SGCA: variants seen among roughly 807,000 people sequenced by gnomAD.
The protein encoded by SGCA is sarcoglycan alpha.
In SGCA, 34 loss-of-function variants were observed where a neutral mutation model predicts 38.1. That is an observed-to-expected ratio of 0.89 (90% CI 0.68 to 1.19). SGCA has a LOEUF of 1.19. SGCA is among the 50% of genes most tolerant of loss of function. The probability of loss-of-function intolerance (pLI) is 0.00; values close to 1 mark genes in which losing one functional copy is unlikely to be tolerated. For missense variants in SGCA, 476 were observed against 524.9 expected (o/e 0.91, Z 0.91); for synonymous variants, 209 against 214.6 (o/e 0.97, Z 0.23).
chr17:50,170,924 C>T (rs546616047), intron 8 of SGCA, among the ~76,000 whole-genome samples: 2 of 152,256 alleles, frequency 1.3e-5, no homozygotes, highest in African/African-American at 2.4e-5. Context: ...ACTAGCCAGG[C>T]GTGGTGGAGC....
Position 50,166,067 on chromosome 17 carries a change from T to C in SGCA, c.27T>C (p.Pro9=). The C allele has an allele frequency of 1.2e-6, 2 of 1,613,522 alleles. No homozygotes were observed. The part of the protein sequence containing the change: MAETLFWT[P]LLVVLLAGLG... ...TGGCTGAGACACTCTTCTGGACTCC[T>C]CTCCTCGTGGGCAAGTTGGGGCCTT... is the stretch of plus-strand genomic sequence containing the variant. The change falls in exon 1 of 10, where the codon CCT becomes CCC. Residue 9 remains proline, a synonymous_variant. Transcript: ENST00000262018.
At chr17:50,169,497 G>A (rs1448233666) in intron 6 of SGCA, 2 of 543,440 alleles carry the variant, frequency 3.7e-6, no homozygotes, top group Non-Finnish European at 6.5e-6. Context: ...TCCGCAATCC[G>A]CATGTGGGGT....
chr17:50,172,345 C>T (rs1346016516), intron 8 of SGCA: 3 of 448,950 alleles, frequency 6.7e-6, no homozygotes, highest in East Asian at 7.1e-5. Flanking sequence ...AGGGGTGGAC[C>T]GGAGATGCCA....
chr17:50,175,832 G>A lies in SGCA; in HGVS notation c.*133G>A. Reference sequence around the variant, plus strand: ...AACCCAGGCTCTAAACAAGCAGGGAGAGGGGGTGGGGTGGGGTGAGAGTGT... The same window carrying A: ...AACCCAGGCTCTAAACAAGCAGGGAAAGGGGGTGGGGTGGGGTGAGAGTGT... On this transcript the variant is annotated 3_prime_UTR_variant, in exon 10 of 10. Transcript: ENST00000262018. The A allele has an allele frequency of 4.2e-6, 2 of 480,098 alleles. No individual in the cohort carries two copies. The allele number at this position is 480,098 out of a possible 1,614,324, so 29.7% of individuals were successfully genotyped here. A position where few individuals can be genotyped will look rare whatever the true frequency, so the allele number is the denominator to read the frequency against.
chr17:50,173,030 C>G (rs1905586723), intron 8 of SGCA, among the ~76,000 whole-genome samples: 2 of 152,188 alleles, frequency 1.3e-5, no homozygotes. Context: ...TCTCTTGTGA[C>G]CAGTATTTCC....
intron 8 of SGCA, 44 bp from the exon 9 acceptor site, chr17:50,175,213 G>A: frequency 6.4e-7 from 1 of 1,556,052 alleles, no homozygotes. Context: ...GTACTCCAGG[G>A]CAGCTGACTC....
intron 6 of SGCA, chr17:50,169,925 G>C: frequency 1.6e-6 from 1 of 622,282 alleles, no homozygotes; most frequent in Non-Finnish European, 2.9e-6. Flanking sequence ...CATTACAGGT[G>C]ATGAAACAGA....
Position 50,169,260 on chromosome 17 carries a change from G to A in SGCA, c.747+6G>A. On this transcript the variant is annotated splice_donor_region_variant and intron_variant, in intron 6 of 9. Coordinates refer to ENST00000262018, the MANE Select transcript of SGCA (RefSeq NM_000023.4). Reference sequence around the variant, plus strand: ...ACTGGTGCAATGTGACCCTGGTGAGGAGGGACCCTGGGTCCGGGGGTGGGG... The same window carrying A: ...ACTGGTGCAATGTGACCCTGGTGAGAAGGGACCCTGGGTCCGGGGGTGGGG... 1 of 1,607,446 alleles carries A rather than the reference G, an allele frequency of 6.2e-7. No individual in the cohort carries two copies. Among genetic ancestry groups the A allele is most frequent in the Non-Finnish European group, 8.5e-7 (1 of 1,174,810 alleles).
At chr17:50,175,133 A>G in intron 8 of SGCA, 124 bp from the exon 9 acceptor site, 2 of 895,108 alleles carry the variant, frequency 2.2e-6, no homozygotes, top group Non-Finnish European at 3.6e-6. Flanking sequence ...CCCCTGCATC[A>G]TGTGTCTGAG....
Position 50,170,141 on chromosome 17 carries a change from A to C in SGCA, c.748-2A>C. 1 of 1,613,748 alleles carries C rather than the reference A, an allele frequency of 6.2e-7. No homozygotes were observed. The highest frequency in any genetic ancestry group is 8.5e-7 in the Non-Finnish European group (1 of 1,179,710). ...TGCGTCAGCCCTGAGCTCTCTGTGC[A>C]GGTGGATAAGTCAGTGCCGGAGCCT... On this transcript the variant is annotated splice_acceptor_variant, in intron 6 of 9. Coordinates refer to ENST00000262018, the MANE Select transcript of SGCA (RefSeq NM_000023.4). LOFTEE classifies it high-confidence loss of function.
At chr17:50,166,643 C>T (rs942747072) in intron 1 of SGCA, among the ~76,000 whole-genome samples, 4 of 151,696 alleles carry the variant, frequency 2.6e-5, no homozygotes, top group Non-Finnish European at 5.9e-5. Flanking sequence ...TTCCCAGTGC[C>T]TTTCACACAT....
rs368438774 is a variant in SGCA at position 50,170,555 on chromosome 17, A to G, written c.957-85A>G. ...AGGAGGGCATTGTGGATAATTGCAC[A>G]CAGACCTCCACTCACATTGGAGCCC... On this transcript the variant is annotated intron_variant, in intron 7 of 9. Coordinates refer to ENST00000262018, the MANE Select transcript of SGCA (RefSeq NM_000023.4). 79 of 1,449,708 alleles carry G rather than the reference A, an allele frequency of 5.4e-5. No individual in the cohort carries two copies. In the African/African-American group the frequency reaches 1.1e-3, roughly 20 times the overall value. 89.8% of individuals were successfully genotyped at this position (1,449,708 alleles called of 1,614,324 possible). A position where few individuals can be genotyped will look rare whatever the true frequency, so the allele number is the denominator to read the frequency against.
Position 50,169,856 on chromosome 17 carries a change from T to C in SGCA, c.748-287T>C, listed in dbSNP as rs1045984823. The C allele has an allele frequency of 1.1e-5, 6 of 535,080 alleles. No homozygotes were observed. The African/African-American group carries it at 1.1e-4, about 10-fold the overall frequency. 33.1% of individuals were successfully genotyped at this position (535,080 alleles called of 1,614,324 possible). A position where few individuals can be genotyped will look rare whatever the true frequency, so the allele number is the denominator to read the frequency against. The stretch of plus-strand genomic sequence containing the variant: ...TTGCTATGTGCTTGGCACTGTCCCA[T>C]CAACATATTTTATGCTCACCACCAC... On this transcript the variant is annotated intron_variant, in intron 6 of 9. Coordinates refer to ENST00000262018, the MANE Select transcript of SGCA (RefSeq NM_000023.4).
rs2144512065 is a variant in SGCA at position 50,175,370 on chromosome 17, A to T, written c.1097A>T (p.His366Leu). ...TCCACCCTGCCCATGTTCAATGTGCACACAGGTGAGCGGCTGCCTCCCCGC... is the reference window on the plus strand; with the variant it reads ...TCCACCCTGCCCATGTTCAATGTGCTCACAGGTGAGCGGCTGCCTCCCCGC... ...PLSTLPMFNV[H>L]TGERLPPRVD... Residue 366 changes from histidine (H) to leucine (L), a missense_variant, in exon 9 of 10, where the codon CAC becomes CTC. By Grantham distance (99) the His-to-Leu change is moderately conservative. Transcript: ENST00000262018. 1.9e-6 allele frequency: 3 copies of T among 1,612,988 alleles called. No homozygotes were observed. The highest frequency in any genetic ancestry group is 2.5e-6 in the Non-Finnish European group (3 of 1,179,972).
Position 50,168,556 on chromosome 17 carries a change from G to A in SGCA, c.568G>A (p.Glu190Lys). ...DRGGRVPLPI[E>K]GRKEGVYIKV... is the part of the protein sequence containing the mutation. ...TGGGGGCCGTGTCCCCCTTCCCATTGAGGGCCGAAAAGAAGGGTAGGTGTG... is the reference window on the plus strand; with the variant it reads ...TGGGGGCCGTGTCCCCCTTCCCATTAAGGGCCGAAAAGAAGGGTAGGTGTG... The change falls in exon 5 of 10, where the codon GAG (glutamate) becomes AAG (lysine). Residue 190 changes from glutamate (E) to lysine (K), a missense_variant. Physicochemically the swap from Glu to Lys is moderately conservative, Grantham distance 56. Coordinates refer to ENST00000262018, the MANE Select transcript of SGCA (RefSeq NM_000023.4). The A allele has an allele frequency of 1.3e-6, 2 of 1,569,028 alleles. No homozygotes were observed. Among genetic ancestry groups the A allele is most frequent in the East Asian group, 4.7e-5 (2 of 42,670 alleles).
chr17:50,175,211 G>A, intron 8 of SGCA, 46 bp from the exon 9 acceptor site: 3 of 1,554,380 alleles, frequency 1.9e-6, no homozygotes, highest in Non-Finnish European at 1.7e-6. Context: ...CTGTACTCCA[G>A]GGCAGCTGAC....
rs1184946403 is a variant in SGCA at position 50,170,671 on chromosome 17, G to A, written c.983+5G>A. 1 of 1,559,024 alleles carries A rather than the reference G, an allele frequency of 6.4e-7. No individual in the cohort carries two copies. The highest frequency in any genetic ancestry group is 8.7e-7 in the Non-Finnish European group (1 of 1,150,236). On this transcript the variant is annotated splice_donor_5th_base_variant and intron_variant, in intron 8 of 9. Transcript: ENST00000262018. ...GAGAGACCTGGCTACCTCCGAGTGAGTAAAGGAAAGCTGGGGGTGGGGTGG... is the reference window on the plus strand; with the variant it reads ...GAGAGACCTGGCTACCTCCGAGTGAATAAAGGAAAGCTGGGGGTGGGGTGG...
At chr17:50,173,350 C>T (rs1230416511) in intron 8 of SGCA, among the ~76,000 whole-genome samples, 3 of 152,118 alleles carry the variant, frequency 2.0e-5, no homozygotes, top group East Asian at 1.9e-4. Context: ...GCAGTGCTTT[C>T]GGGACTGTGT....
At chr17:50,169,815 C>A (rs1220153083) in intron 6 of SGCA, 2 of 459,456 alleles carry the variant, frequency 4.4e-6, no homozygotes, top group East Asian at 4.4e-5. Context: ...TGGTAATTGA[C>A]AACATTCTTG....
Sources: gnomAD v4.1 joint callset for allele counts (sites outside exome capture counted in the v4.1 genomes callset) on GRCh38, gnomAD v4.1.1 for gene constraint, MANE v1.5 for transcripts, NCBI Gene and HGNC (gene_info 2026-07-23, HGNC 2026-07-21) for gene names.